Variants in RXFP1 observed in about 807,000 individuals in gnomAD.
RXFP1 encodes relaxin receptor 1.
RXFP1 carries 73 observed loss-of-function variants against 89.8 expected under a neutral mutation model. That is an observed-to-expected ratio of 0.81 (90% CI 0.67 to 0.99). The LOEUF is 0.99. Among genes scored for constraint, RXFP1 ranks in the 50% least tolerant of loss-of-function variants. The probability of loss-of-function intolerance (pLI) is 0.00; values close to 1 mark genes in which losing one functional copy is unlikely to be tolerated. For missense variants in RXFP1, 793 were observed against 895.5 expected (o/e 0.89, Z 1.46); for synonymous variants, 277 against 305.5 (o/e 0.91, Z 0.97).
intron 1 of RXFP1, among the ~76,000 whole-genome samples, chr4:158,527,347 A>G (rs962896228): frequency 1.3e-4 from 19 of 151,734 alleles, no homozygotes; most frequent in African/African-American, 4.6e-4. Flanking sequence ...GTTCAAGACC[A>G]GCCTGGCCAA....
At chr4:158,597,547 A>G (rs1402285475) in intron 3 of RXFP1, among the ~76,000 whole-genome samples, 1 of 152,150 alleles carries the variant, frequency 6.6e-6, no homozygotes, top group Non-Finnish European at 1.5e-5. Flanking sequence ...TTACTACAAC[A>G]TCTTTTAAAA....
chr4:158,551,214 A>G (rs1341095491), intron 1 of RXFP1, among the ~76,000 whole-genome samples: 2 of 152,364 alleles, frequency 1.3e-5, no homozygotes, highest in South Asian at 2.1e-4. Flanking sequence ...AGCCAGGCAC[A>G]GAGAGACAAC....
intron 1 of RXFP1, among the ~76,000 whole-genome samples, chr4:158,526,890 C>T (rs1319624999): frequency 6.6e-6 from 1 of 152,108 alleles, no homozygotes; most frequent in Non-Finnish European, 1.5e-5. Context: ...ATTGTGCCAG[C>T]AACTCTCTCC....
chr4:158,564,323 A>G (rs1297183789), intron 1 of RXFP1, among the ~76,000 whole-genome samples: 1 of 152,216 alleles, frequency 6.6e-6, no homozygotes, highest in Non-Finnish European at 1.5e-5. Context: ...TACAATCCCT[A>G]CTGTCTTATA....
Position 158,524,787 on chromosome 4 carries a change from T to A in RXFP1, c.49+2762T>A, listed in dbSNP as rs115586295. 8.6e-3 allele frequency among the ~76,000 whole-genome samples: 1,303 copies of A among 152,286 alleles called. 20 individuals are homozygous for A. Among genetic ancestry groups the A allele is most frequent in the African/African-American group, 0.03 (1,244 of 41,544 alleles). On this transcript the variant is annotated intron_variant, in intron 1 of 17. Transcript: ENST00000307765. ...CCCCAGGACAACTTGTATTATAAGT[T>A]CTTATCAGAAAATGCTGTATTATTT... is the stretch of plus-strand genomic sequence containing the variant.
intron 1 of RXFP1, among the ~76,000 whole-genome samples, chr4:158,566,162 A>G (rs1288837406): frequency 2.0e-5 from 3 of 152,244 alleles, no homozygotes; most frequent in African/African-American, 7.2e-5. Context: ...TTTAAGTGGT[A>G]GTAACAACTC....
chr4:158,533,077 C>T (rs1401470754), intron 1 of RXFP1, among the ~76,000 whole-genome samples: 1 of 152,224 alleles, frequency 6.6e-6, no homozygotes, highest in Non-Finnish European at 1.5e-5. Context: ...TAACCCTTAA[C>T]TCTCTAGAGG....
chr4:158,564,029 TA>T (rs935324261), intron 1 of RXFP1, among the ~76,000 whole-genome samples: 23 of 151,078 alleles, frequency 1.5e-4, no homozygotes, highest in African/African-American at 4.1e-4. Flanking sequence ...ACAATTACTT[TA>T]AAAAAAACTT....
intron 14 of RXFP1, among the ~76,000 whole-genome samples, chr4:158,639,832 C>G (rs1770009581): frequency 6.6e-6 from 1 of 151,890 alleles, no homozygotes; most frequent in South Asian, 2.1e-4. Flanking sequence ...TGCACTCCAG[C>G]CTGGGCGACA....
At chr4:158,583,683 A>T (rs1033642909) in intron 2 of RXFP1, among the ~76,000 whole-genome samples, 1 of 152,250 alleles carries the variant, frequency 6.6e-6, no homozygotes, top group Non-Finnish European at 1.5e-5. Flanking sequence ...CTGAAAATAC[A>T]GACCTAGCTT....
At chr4:158,616,669 T>C (rs1469483721) in intron 8 of RXFP1, among the ~76,000 whole-genome samples, 1 of 149,680 alleles carries the variant, frequency 6.7e-6, no homozygotes, top group Non-Finnish European at 1.5e-5. Context: ...TATAATTAAA[T>C]ATAGTTAGAT....
chr4:158,631,531 T>A (rs1459644568), intron 11 of RXFP1, among the ~76,000 whole-genome samples: 1 of 152,168 alleles, frequency 6.6e-6, no homozygotes, highest in Non-Finnish European at 1.5e-5. Context: ...CTATATGTGT[T>A]ATATGTGCTA....
intron 1 of RXFP1, among the ~76,000 whole-genome samples, chr4:158,532,695 A>G (rs950598857): frequency 2.6e-5 from 4 of 152,106 alleles, no homozygotes; most frequent in African/African-American, 9.7e-5. Flanking sequence ...ACTTCTCACC[A>G]AAGACCACCA....
intron 6 of RXFP1, among the ~76,000 whole-genome samples, chr4:158,611,052 CTG>C (rs1763484519): frequency 6.6e-6 from 1 of 152,196 alleles, no homozygotes; most frequent in Admixed American, 6.5e-5. Flanking sequence ...AGGGAAGAAA[CTG>C]GAGTAAGAGG....
intron 5 of RXFP1, 65 bp from the exon 6 acceptor site, chr4:158,607,905 TTC>T (rs1312854668): frequency 9.7e-7 from 1 of 1,034,838 alleles, no homozygotes; most frequent in Non-Finnish European, 1.5e-6. Context: ...ATCCACAGAA[TTC>T]TTTTTGTCTT....
chr4:158,634,241 T>G (rs369967635), intron 12 of RXFP1, among the ~76,000 whole-genome samples: 6 of 152,214 alleles, frequency 3.9e-5, no homozygotes, highest in Non-Finnish European at 5.9e-5. Flanking sequence ...GGTATCTCAC[T>G]GTGATTTTGT....
intron 1 of RXFP1, among the ~76,000 whole-genome samples, chr4:158,548,154 T>A (rs1196491984): frequency 6.6e-6 from 1 of 152,246 alleles, no homozygotes; most frequent in Non-Finnish European, 1.5e-5. Context: ...TGCACATATA[T>A]TTAGGATAGT....
intron 1 of RXFP1, among the ~76,000 whole-genome samples, chr4:158,560,903 T>G (rs930582238): frequency 6.6e-6 from 1 of 152,180 alleles, no homozygotes; most frequent in African/African-American, 2.4e-5. Flanking sequence ...AAGAAAGTAT[T>G]TTGCTTTCCA....
intron 1 of RXFP1, among the ~76,000 whole-genome samples, chr4:158,556,387 A>C (rs1485243000): frequency 6.6e-6 from 1 of 152,218 alleles, no homozygotes; most frequent in Non-Finnish European, 1.5e-5. Context: ...CACTCCAGTT[A>C]GAATGGCTAT....
Sources: gnomAD v4.1 joint callset for allele counts (sites outside exome capture counted in the v4.1 genomes callset) on GRCh38, gnomAD v4.1.1 for gene constraint, MANE v1.5 for transcripts, NCBI Gene and HGNC (gene_info 2026-07-23, HGNC 2026-07-21) for gene names.